ATP2C2: variants seen among roughly 807,000 people sequenced by gnomAD.
ATP2C2 encodes ATPase secretory pathway Ca2+ transporting 2.
A neutral mutation model predicts 110.8 loss-of-function variants in ATP2C2; 171 were observed. The ratio of observed to expected loss-of-function variants is 1.54; its 90% CI spans 1.36 to 1.75. ATP2C2 has a LOEUF of 1.75. Among genes scored for constraint, ATP2C2 ranks in the 40% most tolerant of loss-of-function variants. ATP2C2 has a pLI of 0.00. For missense variants in ATP2C2, 1,963 were observed against 1,235.0 expected (o/e 1.59, Z -8.84); for synonymous variants, 804 against 508.4 (o/e 1.58, Z -7.82).
intron 2 of ATP2C2, among the ~76,000 whole-genome samples, chr16:84,403,627 C>T (rs1002539646): frequency 6.6e-6 from 1 of 152,086 alleles, no homozygotes; most frequent in East Asian, 1.9e-4. Context: ...TTGAAGTGTA[C>T]ATTGTAGTTG....
rs762458619 is a variant in ATP2C2, at chr16:84,439,146, C to T, written c.987-20C>T. 6.2e-7 allele frequency: 1 copy of T among 1,611,918 alleles called. No homozygotes were observed. On this transcript the variant is annotated intron_variant, in intron 11 of 26. Transcript: ENST00000262429. ...CTCCTTAAATGTGTTAGAGGGGACT[C>T]ATTTGACCTTTCGATCCAGCCTGGC...
intron 3 of ATP2C2, among the ~76,000 whole-genome samples, chr16:84,405,770 A>AT (rs1905711964): frequency 6.6e-6 from 1 of 152,114 alleles, no homozygotes; most frequent in African/African-American, 2.4e-5. Flanking sequence ...AAATATAAAA[A>AT]TTAGCCGGAT....
chr16:84,462,942 G>T (rs1015274704), intron 26 of ATP2C2: 2 of 153,546 alleles, frequency 1.3e-5, no homozygotes, highest in Non-Finnish European at 2.9e-5. Context: ...AGACTGGGAT[G>T]GTCAACTCTG....
chr16:84,443,634 C>T (rs1028500056), intron 15 of ATP2C2, among the ~76,000 whole-genome samples: 1 of 152,194 alleles, frequency 6.6e-6, no homozygotes, highest in African/African-American at 2.4e-5. Flanking sequence ...CCAGCAGACA[C>T]CTCTCCTCAT....
intron 9 of ATP2C2, among the ~76,000 whole-genome samples, chr16:84,422,913 C>A (rs1265939919): frequency 6.6e-6 from 1 of 152,054 alleles, no homozygotes; most frequent in Non-Finnish European, 1.5e-5. Flanking sequence ...AATCTGTCTG[C>A]CTCAGCCTCC....
At chr16:84,391,371 T>G (rs1904654932) in intron 1 of ATP2C2, among the ~76,000 whole-genome samples, 1 of 152,206 alleles carries the variant, frequency 6.6e-6, no homozygotes, top group African/African-American at 2.4e-5. Flanking sequence ...CGCACATACA[T>G]GCTGTTATGG....
intron 14 of ATP2C2, among the ~76,000 whole-genome samples, 198 bp downstream of exon 14, chr16:84,441,156 G>C (rs1286785625): frequency 1.3e-5 from 2 of 152,192 alleles, no homozygotes; most frequent in Non-Finnish European, 2.9e-5. Flanking sequence ...AGCTAGGCTG[G>C]GCACAGTGGC....
chr16:84,427,373 A>G (rs1907895293), intron 11 of ATP2C2, among the ~76,000 whole-genome samples: 1 of 152,174 alleles, frequency 6.6e-6, no homozygotes, highest in Non-Finnish European at 1.5e-5. Context: ...TCCTAGGTGA[A>G]AGAAGCCAGT....
chr16:84,417,334 A>T (rs1346277450), intron 7 of ATP2C2, among the ~76,000 whole-genome samples: 1 of 151,874 alleles, frequency 6.6e-6, no homozygotes, highest in Admixed American at 6.6e-5. Context: ...GAAGGAATTC[A>T]CCTCTCTGAG....
chr16:84,406,256 G>A (rs1905758557), intron 3 of ATP2C2, among the ~76,000 whole-genome samples: 1 of 152,192 alleles, frequency 6.6e-6, no homozygotes, highest in African/African-American at 2.4e-5. Flanking sequence ...CAATTGACAT[G>A]GCTCCAAGTT....
At chr16:84,434,384 C>G (rs754717416) in intron 11 of ATP2C2, among the ~76,000 whole-genome samples, 5 of 151,720 alleles carry the variant, frequency 3.3e-5, no homozygotes, top group African/African-American at 4.8e-5. Flanking sequence ...CCGCTGCACT[C>G]CAGCCTGGTG....
chr16:84,433,256 G>A lies in ATP2C2; in HGVS notation c.987-5910G>A, dbSNP rs570270300. Among the ~76,000 whole-genome samples the A allele has an allele frequency of 6.6e-5, 10 of 152,086 alleles. No homozygotes were observed. The East Asian group carries it at 9.7e-4, about 15-fold the overall frequency. On this transcript the variant is annotated intron_variant, in intron 11 of 26. Transcript: ENST00000262429. ...TTATTAGCCAGGTATGGTGGTGCAC[G>A]CTTGTAGCCCCAGCTACTTGGGAGG...
At chr16:84,426,644 G>A (rs1056398153) in intron 11 of ATP2C2, among the ~76,000 whole-genome samples, 23 of 152,076 alleles carry the variant, frequency 1.5e-4, no homozygotes, top group African/African-American at 5.6e-4. Context: ...GCGACTGTCT[G>A]GATTAAAGGA....
At chr16:84,379,269 T>C (rs1383282850) in intron 1 of ATP2C2, among the ~76,000 whole-genome samples, 6 of 150,938 alleles carry the variant, frequency 4.0e-5, no homozygotes, top group Admixed American at 3.3e-4. Context: ...GCAGTCTCAA[T>C]CTTTCTGGGC....
chr16:84,446,493 G>T, intron 16 of ATP2C2, 63 bp downstream of exon 16: 2 of 1,166,078 alleles, frequency 1.7e-6, no homozygotes, highest in Admixed American at 5.0e-5. Flanking sequence ...CAGAGATAAA[G>T]CAAAATGCAG....
At chr16:84,429,709 G>C (rs886556119) in intron 11 of ATP2C2, among the ~76,000 whole-genome samples, 1 of 152,112 alleles carries the variant, frequency 6.6e-6, no homozygotes, top group Admixed American at 6.5e-5. Context: ...GAGAGGGAGC[G>C]TGAAGCTGAG....
intron 26 of ATP2C2, 61 bp downstream of exon 26, chr16:84,462,190 G>C (rs1406892149): frequency 6.4e-7 from 1 of 1,569,782 alleles, no homozygotes; most frequent in Non-Finnish European, 8.7e-7. Flanking sequence ...GGCGGCAGCT[G>C]CCAGGTGGGG....
At chr16:84,460,190 G>C (rs1057275891) in intron 23 of ATP2C2, 1 of 212,454 alleles carries the variant, frequency 4.7e-6, no homozygotes, top group Admixed American at 5.3e-5. Flanking sequence ...AGCTGTGTCT[G>C]AGCGGCAGGG....
chr16:84,454,952 G>A lies in ATP2C2; in HGVS notation c.2115G>A (p.Met705Ile). Residue 705 changes from methionine to isoleucine, a missense_variant, in exon 21 of 27, where the codon ATG becomes ATA. Physicochemically the swap from Met to Ile is conservative, Grantham distance 10. Transcript: ENST00000262429. The part of the protein sequence containing the change: ...GTDVSKEAAN[M>I]ILVDDDFSAI... ...ACGTCAGCAAAGAGGCCGCCAACATGATCCTGGTGGATGATGACTTCTCAG... is the reference window on the plus strand; with the variant it reads ...ACGTCAGCAAAGAGGCCGCCAACATAATCCTGGTGGATGATGACTTCTCAG... 1 of 1,613,422 alleles carries A rather than the reference G, an allele frequency of 6.2e-7. No individual in the cohort carries two copies. Among genetic ancestry groups the A allele is most frequent in the Non-Finnish European group, 8.5e-7 (1 of 1,179,828 alleles).
Sources: gnomAD v4.1 joint callset for allele counts (sites outside exome capture counted in the v4.1 genomes callset) on GRCh38, gnomAD v4.1.1 for gene constraint, MANE v1.5 for transcripts, NCBI Gene and HGNC (gene_info 2026-07-23, HGNC 2026-07-21) for gene names.